TNFRSF19: variants seen among roughly 807,000 people sequenced by gnomAD.
The protein encoded by TNFRSF19 is TNF receptor superfamily member 19.
In TNFRSF19, 27 loss-of-function variants were observed where a neutral mutation model predicts 46.4. The observed-to-expected ratio is 0.58, with a 90% CI of 0.43 to 0.80. TNFRSF19 has a LOEUF of 0.80. Ranked by LOEUF, TNFRSF19 falls within the 30% of genes least tolerant of loss-of-function variation. TNFRSF19 has a pLI of 0.00. For missense variants in TNFRSF19, 511 were observed against 530.8 expected (o/e 0.96, Z 0.37); for synonymous variants, 204 against 205.0 (o/e 1.00, Z 0.04).
At chr13:23,660,884 T>C (rs1884323274) in intron 7 of TNFRSF19, among the ~76,000 whole-genome samples, 1 of 152,152 alleles carries the variant, frequency 6.6e-6, no homozygotes, top group African/African-American at 2.4e-5. Context: ...AATATATCTA[T>C]TTTTAGAATT....
At chr13:23,614,515 G>T (rs1032020051) in intron 3 of TNFRSF19, among the ~76,000 whole-genome samples, 2 of 151,946 alleles carry the variant, frequency 1.3e-5, no homozygotes, top group East Asian at 4.0e-4. Context: ...AGCATCCAGG[G>T]TTTACAAATG....
intron 2 of TNFRSF19, among the ~76,000 whole-genome samples, chr13:23,592,224 C>T (rs1029377519): frequency 1.3e-5 from 2 of 152,120 alleles, no homozygotes; most frequent in Non-Finnish European, 2.9e-5. Context: ...TTAGACAGAA[C>T]AGCAGTGTCT....
rs574959036 is a variant in TNFRSF19, at chr13:23,659,075, G to T, written c.471G>T (p.Lys157Asn). The T allele has an allele frequency of 1.1e-5, 17 of 1,613,824 alleles. No individual in the cohort carries two copies. Among genetic ancestry groups the T allele is most frequent in the Non-Finnish European group, 1.4e-5 (17 of 1,180,048 alleles). The change falls in exon 6 of 10, where the codon AAG becomes AAT. Residue 157 changes from lysine to asparagine, a missense_variant. Physicochemically the swap from Lys to Asn is moderately conservative, Grantham distance 94. Around this residue, in one of 3 missense-constraint regions of TNFRSF19, gnomAD observed 376 missense variants for 372.7 expected, o/e 1.01. Transcript: ENST00000248484. The surrounding 1 kb of genome is among the most constrained non-coding windows in gnomAD (Gnocchi z 4.9). The stretch of plus-strand genomic sequence containing the variant: ...GTGCCAGCAAGGTCAACCTCGTGAA[G>T]ATCGCGTCCACGGCCTCCAGCCCAC... The part of the protein sequence containing the change: ...PHCASKVNLV[K>N]IASTASSPRD...
chr13:23,606,092 G>A (rs1161089145), intron 3 of TNFRSF19, among the ~76,000 whole-genome samples: 4 of 152,038 alleles, frequency 2.6e-5, no homozygotes, highest in East Asian at 1.9e-4. Context: ...TCTCAATTTC[G>A]TTATGAACCT....
At position 23,668,748 on chromosome 13, in the gene TNFRSF19, C is replaced by T. The variant is rs1408894457; in HGVS notation, c.896C>T (p.Ser299Phe). ...VPTFFGSLTQ[S>F]ICGEFSDAWP... ...ACTTTCTTCGGATCCCTCACGCAGTCCATCTGTGGCGAGTTTTCAGATGCC... is the reference window on the plus strand; with the variant it reads ...ACTTTCTTCGGATCCCTCACGCAGTTCATCTGTGGCGAGTTTTCAGATGCC... The change falls in exon 9 of 10, where the codon TCC (serine) becomes TTC (phenylalanine). Residue 299 changes from serine (S) to phenylalanine (F), a missense_variant. By Grantham distance (155) the Ser-to-Phe change is radical (BLOSUM62 -2). Around this residue, in one of 3 missense-constraint regions of TNFRSF19, gnomAD observed 376 missense variants for 372.7 expected, o/e 1.01. Transcript: ENST00000248484. 2 of 1,614,240 alleles carry T rather than the reference C, an allele frequency of 1.2e-6. No individual in the cohort carries two copies. The highest frequency in any genetic ancestry group is 1.7e-6 in the Non-Finnish European group (2 of 1,180,046).
At chr13:23,661,920 A>G (rs1207921890) in intron 7 of TNFRSF19, among the ~76,000 whole-genome samples, 1 of 152,098 alleles carries the variant, frequency 6.6e-6, no homozygotes, top group Non-Finnish European at 1.5e-5. Flanking sequence ...AGTTCCTTAT[A>G]GATGCTGTAT....
chr13:23,591,041 C>G (rs1448300080), intron 2 of TNFRSF19, among the ~76,000 whole-genome samples: 1 of 152,198 alleles, frequency 6.6e-6, no homozygotes, highest in South Asian at 2.1e-4. Context: ...GAAAGTTTGA[C>G]AAAAGATTTA....
At chr13:23,633,612 G>A (rs9317921) in intron 5 of TNFRSF19, among the ~76,000 whole-genome samples, 62,232 of 151,994 alleles carry the variant, frequency 0.41, 12,857 homozygotes, top group Middle Eastern at 0.49. Context: ...ACTTTGGGTG[G>A]CCAAGGTGGG....
At chr13:23,638,548 CT>C (rs1023980625) in intron 5 of TNFRSF19, among the ~76,000 whole-genome samples, 3 of 152,194 alleles carry the variant, frequency 2.0e-5, no homozygotes, top group Non-Finnish European at 4.4e-5. Flanking sequence ...CTAGTCCATC[CT>C]GGTGGGCAGC....
intron 3 of TNFRSF19, among the ~76,000 whole-genome samples, chr13:23,594,893 T>G (rs1337941036): frequency 6.6e-6 from 1 of 152,178 alleles, no homozygotes; most frequent in Non-Finnish European, 1.5e-5. Context: ...GGTGCCCCTT[T>G]GGGACGAAGC....
At chr13:23,627,958 C>T (rs776227047) in intron 5 of TNFRSF19, among the ~76,000 whole-genome samples, 3 of 152,124 alleles carry the variant, frequency 2.0e-5, no homozygotes, top group Non-Finnish European at 2.9e-5. Flanking sequence ...AAACATATAT[C>T]GATCCTCATT....
intron 5 of TNFRSF19, among the ~76,000 whole-genome samples, chr13:23,633,240 G>A (rs1247737266): frequency 6.6e-6 from 1 of 151,790 alleles, no homozygotes; most frequent in Non-Finnish European, 1.5e-5. Flanking sequence ...AGCCTCCTGA[G>A]TAGCTGGGCC....
chr13:23,657,542 C>T (rs1884059632), intron 5 of TNFRSF19, among the ~76,000 whole-genome samples: 1 of 152,110 alleles, frequency 6.6e-6, no homozygotes, highest in Non-Finnish European at 1.5e-5. Context: ...TCTTTAAAAC[C>T]ACACCGGATT....
intron 4 of TNFRSF19, 26 bp from the exon 5 acceptor site, chr13:23,626,681 A>G (rs768791699): frequency 6.2e-7 from 1 of 1,608,544 alleles, no homozygotes; most frequent in Non-Finnish European, 8.5e-7. Flanking sequence ...AAGAGTTAAC[A>G]AGGAGTATTT....
chr13:23,657,446 G>A (rs1884053997), intron 5 of TNFRSF19, among the ~76,000 whole-genome samples: 3 of 152,138 alleles, frequency 2.0e-5, no homozygotes, highest in Admixed American at 1.3e-4. Context: ...AATCTCTAGA[G>A]TTGCAGTGTC....
intron 7 of TNFRSF19, among the ~76,000 whole-genome samples, chr13:23,665,877 C>T (rs1036963629): frequency 3.3e-5 from 5 of 152,204 alleles, no homozygotes; most frequent in Admixed American, 2.0e-4. Context: ...ACTTCTGTTG[C>T]ATTGAGTTGT....
intron 5 of TNFRSF19, among the ~76,000 whole-genome samples, chr13:23,649,268 C>T (rs1883501812): frequency 6.6e-6 from 1 of 152,114 alleles, no homozygotes. Context: ...TAGATCAATT[C>T]AGATTCTCTG....
At chr13:23,628,486 C>A (rs1265098006) in intron 5 of TNFRSF19, among the ~76,000 whole-genome samples, 1 of 152,156 alleles carries the variant, frequency 6.6e-6, no homozygotes, top group Non-Finnish European at 1.5e-5. Context: ...TGCACTGCAG[C>A]CCAGACTGCT....
At chr13:23,654,810 T>A (rs1371148270) in intron 5 of TNFRSF19, among the ~76,000 whole-genome samples, 1 of 152,172 alleles carries the variant, frequency 6.6e-6, no homozygotes, top group Non-Finnish European at 1.5e-5. Flanking sequence ...TTCTTGGGTA[T>A]CAAATGAAGC....
Sources: allele counts gnomAD v4.1 joint callset (sites outside exome capture counted in the v4.1 genomes callset), GRCh38; gene constraint gnomAD v4.1.1; regional missense constraint gnomAD v4.1.1; non-coding constraint Gnocchi (gnomAD v3.1); transcripts MANE v1.5; gene names NCBI Gene and HGNC (gene_info 2026-07-23, HGNC 2026-07-21).